Variants in KIF20B observed in about 807,000 individuals in gnomAD.
KIF20B encodes kinesin-like protein KIF20B.
A neutral mutation model predicts 232.5 loss-of-function variants in KIF20B; 188 were observed. That is an observed-to-expected ratio of 0.81 (90% CI 0.72 to 0.91). The LOEUF (loss-of-function observed/expected upper bound fraction) is 0.91. KIF20B is among the 40% of genes least tolerant of loss of function. The pLI, the probability that KIF20B is intolerant of heterozygous loss-of-function variation, is 0.00. For synonymous variants in KIF20B, 712 were observed against 683.0 expected (o/e 1.04, Z -0.66); for missense variants, 2,154 against 2,055.9 (o/e 1.05, Z -0.92).
At chr10:89,720,546 T>A (rs1229669100) in intron 13 of KIF20B, among the ~76,000 whole-genome samples, 1 of 152,188 alleles carries the variant, frequency 6.6e-6, no homozygotes, top group East Asian at 1.9e-4. Context: ...CCATCAGACC[T>A]TTATTTTGCA....
At chr10:89,750,639 G>T (rs544460188) in intron 23 of KIF20B, among the ~76,000 whole-genome samples, 4 of 152,206 alleles carry the variant, frequency 2.6e-5, no homozygotes, top group Admixed American at 6.5e-5. Context: ...CTGCTACTAG[G>T]TGCCATCACC....
intron 23 of KIF20B, among the ~76,000 whole-genome samples, chr10:89,748,711 C>A (rs1385248745): frequency 6.6e-6 from 1 of 151,674 alleles, no homozygotes; most frequent in Admixed American, 6.6e-5. Context: ...CTCCTTTGTC[C>A]CTCTTGGTGA....
intron 16 of KIF20B, among the ~76,000 whole-genome samples, chr10:89,727,020 A>G (rs1019008235): frequency 1.3e-5 from 2 of 151,106 alleles, no homozygotes; most frequent in South Asian, 2.1e-4. Flanking sequence ...TATGCTGCCC[A>G]GATTGGTCTT....
intron 12 of KIF20B, 42 bp downstream of exon 12, chr10:89,718,914 AAC>A (rs749370831): frequency 2.0e-5 from 25 of 1,227,136 alleles, no homozygotes; most frequent in Middle Eastern, 2.8e-4. Flanking sequence ...TTAGAATATT[AAC>A]AGTTTTTCTT....
In KIF20B at chr10:89,752,569, T is replaced by C. The variant is rs368463266; in HGVS notation, c.4225T>C (p.Leu1409=). The C allele has an allele frequency of 4.4e-6, 7 of 1,594,896 alleles. No individual in the cohort carries two copies. Among genetic ancestry groups the C allele is most frequent in the Non-Finnish European group, 6.0e-6 (7 of 1,171,100 alleles). ...ATAATTTTATGTCTTCAAATCAGAA[T>C]TGGAAAAATGGAAGGAAAAATGCAA... The part of the protein sequence containing the change: ...LEEVERLATE[L]EKWKEKCNDL... Residue 1409 remains leucine (L), a splice_region_variant and synonymous_variant, in exon 25 of 33, where the codon TTG becomes CTG. Coordinates refer to ENST00000371728, the MANE Select transcript of KIF20B (RefSeq NM_001284259.2).
chr10:89,725,996 G>T (rs1843179576), intron 15 of KIF20B, among the ~76,000 whole-genome samples: 1 of 152,090 alleles, frequency 6.6e-6, no homozygotes, highest in Admixed American at 6.6e-5. Context: ...AACCTTTTAA[G>T]TCTCATTATA....
At chr10:89,768,586 T>C (rs1842408803) in intron 30 of KIF20B, 152 bp from the exon 31 acceptor site, 1 of 805,416 alleles carries the variant, frequency 1.2e-6, no homozygotes, top group African/African-American at 1.8e-5. Context: ...TTTTTGCCAT[T>C]GTCTGACCCT....
chr10:89,738,138 CA>C lies in KIF20B; in HGVS notation c.3299del (p.Asn1100IlefsTer3). 1 of 1,551,400 alleles carries C rather than the reference CA, an allele frequency of 6.4e-7. No individual in the cohort carries two copies. Among genetic ancestry groups the C allele is most frequent in the Non-Finnish European group, 8.7e-7 (1 of 1,144,936 alleles). ...AEVKGYKDEN[N>X]RLKEKEHKNQ... ...AAGTAAAAGGCTATAAGGATGAAAA[CA>C]ATAGACTAAAGGAGAAGGAGCATAA... On this transcript the variant is annotated frameshift_variant, in exon 20 of 33. Transcript: ENST00000371728. LOFTEE classifies it high-confidence loss of function.
At position 89,762,756 on chromosome 10, in the gene KIF20B, T is replaced by C. The variant is rs1842271589; in HGVS notation, c.4910T>C (p.Val1637Ala). The change falls in exon 29 of 33, where the codon GTG (valine) becomes GCG (alanine). Residue 1637 changes from valine to alanine, a missense_variant. Coordinates refer to ENST00000371728, the MANE Select transcript of KIF20B (RefSeq NM_001284259.2). ...FTPLQPNKMA[V>A]KHPGCTTPVT... The stretch of plus-strand genomic sequence containing the variant: ...CCTTTACAGCCAAACAAAATGGCAG[T>C]GAAACACCCTGGTTGTACCACACCA... 13 of 1,613,504 alleles carry C rather than the reference T, an allele frequency of 8.1e-6. No homozygotes were observed. The highest frequency in any genetic ancestry group is 1.1e-5 in the Non-Finnish European group (13 of 1,179,690).
At chr10:89,722,381 A>G (rs577670434) in intron 13 of KIF20B, among the ~76,000 whole-genome samples, 3 of 152,350 alleles carry the variant, frequency 2.0e-5, no homozygotes, top group African/African-American at 7.2e-5. Flanking sequence ...AAAACTATTA[A>G]ACTTCCCGCC....
chr10:89,724,034 A>T lies in KIF20B; in HGVS notation c.1793A>T (p.Glu598Val). The stretch of plus-strand genomic sequence containing the variant: ...GAAAAAAAGGAAAAATTAACCTTGG[A>T]ATTTAAAATTCGAGAAGAAGTTACA... ...INEKKEKLTLEFKIREEVTQE... is the reference protein window; with the variant it reads ...INEKKEKLTLVFKIREEVTQE... Residue 598 changes from glutamate (E) to valine (V), a missense_variant, in exon 14 of 33, where the codon GAA becomes GTA. Coordinates refer to ENST00000371728, the MANE Select transcript of KIF20B (RefSeq NM_001284259.2). 6.3e-7 allele frequency: 1 copy of T among 1,585,526 alleles called. No individual in the cohort carries two copies. Among genetic ancestry groups the T allele is most frequent in the Non-Finnish European group, 8.5e-7 (1 of 1,170,022 alleles).
At chr10:89,710,215 G>GT (rs10672232) in intron 5 of KIF20B, 150 bp downstream of exon 5, 40,629 of 282,208 alleles carry the variant, frequency 0.14, 2,658 homozygotes, top group East Asian at 0.36. Flanking sequence ...ACGTATTGCT[G>GT]TTTTTTTTTT....
In KIF20B at chr10:89,737,999, T is replaced by A; in HGVS notation, c.3158T>A (p.Phe1053Tyr). The A allele has an allele frequency of 1.9e-6, 3 of 1,613,264 alleles. No homozygotes were observed. Among genetic ancestry groups the A allele is most frequent in the African/African-American group, 2.7e-5 (2 of 75,022 alleles). The change falls in exon 20 of 33, where the codon TTC becomes TAC. Residue 1053 changes from phenylalanine to tyrosine, a missense_variant. Physicochemically the swap from Phe to Tyr is conservative, Grantham distance 22. Coordinates refer to ENST00000371728, the MANE Select transcript of KIF20B (RefSeq NM_001284259.2). Reference protein sequence around the residue: ...RIQEPNRENSFHSSIEAIWEE... With the variant: ...RIQEPNRENSYHSSIEAIWEE... Reference sequence around the variant, plus strand: ...CAAGAACCCAATAGGGAAAATTCTTTCCACTCTAGTATTGAAGCTATTTGG... The same window carrying A: ...CAAGAACCCAATAGGGAAAATTCTTACCACTCTAGTATTGAAGCTATTTGG...
At chr10:89,707,907 G>A (rs1042914634) in intron 2 of KIF20B, among the ~76,000 whole-genome samples, 5 of 152,162 alleles carry the variant, frequency 3.3e-5, no homozygotes, top group Admixed American at 2.0e-4. Context: ...TTTCCCATCT[G>A]TAGAGATAAA....
At position 89,709,430 on chromosome 10, in the gene KIF20B, G is replaced by T. The variant is rs1436625710; in HGVS notation, c.320G>T (p.Gly107Val). ...ILGRLSEKSS[G>V]QMAQKFSFSK... ...GGTCGGTTAAGTGAAAAAAGCTCAG[G>T]GCAGATGGCACAGAAATTCAGTTTT... Residue 107 changes from glycine (G) to valine (V), a missense_variant, in exon 4 of 33, where the codon GGG (glycine) becomes GTG (valine). By Grantham distance (109) the Gly-to-Val change is moderately radical (BLOSUM62 -3). Transcript: ENST00000371728. The T allele has an allele frequency of 5.0e-6, 8 of 1,612,394 alleles. No individual in the cohort carries two copies. The highest frequency in any genetic ancestry group is 6.8e-6 in the Non-Finnish European group (8 of 1,179,080).
At chr10:89,731,816 G>A (rs749594935) in intron 18 of KIF20B, among the ~76,000 whole-genome samples, 8 of 152,282 alleles carry the variant, frequency 5.3e-5, no homozygotes, top group South Asian at 4.1e-4. Flanking sequence ...GTGAGAAAGC[G>A]TGGAGATTGT....
At chr10:89,740,296 G>A (rs1841768665) in intron 21 of KIF20B, among the ~76,000 whole-genome samples, 2 of 145,272 alleles carry the variant, frequency 1.4e-5, no homozygotes, top group Admixed American at 7.0e-5. Context: ...AAATTTACTG[G>A]TTTATTATAA....
intron 18 of KIF20B, among the ~76,000 whole-genome samples, chr10:89,731,805 T>G (rs184632017): frequency 6.6e-6 from 1 of 152,294 alleles, no homozygotes; most frequent in East Asian, 1.9e-4. Context: ...AGGGACTAAT[T>G]GTGAGAAAGC....
At chr10:89,704,563 TG>T (rs1349307862) in intron 1 of KIF20B, among the ~76,000 whole-genome samples, 3 of 141,524 alleles carry the variant, frequency 2.1e-5, no homozygotes, top group Non-Finnish European at 1.5e-5. Context: ...AGTTTTGTTT[TG>T]TTTTTTTTTT....
Sources: gnomAD v4.1 joint callset for allele counts (sites outside exome capture counted in the v4.1 genomes callset) on GRCh38, gnomAD v4.1.1 for gene constraint, MANE v1.5 for transcripts, NCBI Gene and HGNC (gene_info 2026-07-23, HGNC 2026-07-21) for gene names.